The following TEAD1 variants were observed in gnomAD, a reference collection of about 807,000 sequenced individuals.
TEAD1 encodes the protein transcriptional enhancer factor TEF-1.
Under a neutral mutation model 54.9 loss-of-function variants are expected in TEAD1, and 9 were observed. That is an observed-to-expected ratio of 0.16 (90% CI 0.10 to 0.29). The LOEUF (loss-of-function observed/expected upper bound fraction) is 0.29, where lower values mean the gene tolerates loss of function less well. Among genes scored for constraint, TEAD1 ranks in the 10% least tolerant of loss-of-function variants. The pLI, the probability that TEAD1 is intolerant of heterozygous loss-of-function variation, is 1.00. For synonymous variants in TEAD1, 200 were observed against 187.8 expected (o/e 1.07, Z -0.53); for missense variants, 387 against 535.9 (o/e 0.72, Z 2.74).
chr11:12,924,483 A>G (rs1465261729), intron 10 of TEAD1, among the ~76,000 whole-genome samples: 1 of 152,190 alleles, frequency 6.6e-6, no homozygotes, highest in Non-Finnish European at 1.5e-5. Context: ...CAGATATTCT[A>G]ATTTTTAAGA....
chr11:12,697,648 A>G (rs1943613555), intron 2 of TEAD1, among the ~76,000 whole-genome samples: 1 of 152,194 alleles, frequency 6.6e-6, no homozygotes, highest in African/African-American at 2.4e-5. Context: ...TTTGGTTTGT[A>G]TATTTAGGAA....
At chr11:12,675,052 C>G (rs1021157141) in intron 1 of TEAD1, among the ~76,000 whole-genome samples, 30 of 146,660 alleles carry the variant, frequency 2.0e-4, no homozygotes, top group Admixed American at 8.8e-4. Context: ...CTTGCCAGGA[C>G]GCCAAGTTGG....
At chr11:12,705,652 A>G (rs1329428843) in intron 2 of TEAD1, among the ~76,000 whole-genome samples, 2 of 152,236 alleles carry the variant, frequency 1.3e-5, no homozygotes, top group South Asian at 2.1e-4. Context: ...TTTGTGTACA[A>G]GCTATTAATA....
intron 10 of TEAD1, among the ~76,000 whole-genome samples, chr11:12,924,696 T>C (rs1948877199): frequency 6.6e-6 from 1 of 152,208 alleles, no homozygotes; most frequent in African/African-American, 2.4e-5. Context: ...ACAAAATTGA[T>C]ACTTGTAGCA....
chr11:12,795,199 C>T (rs755093947), intron 3 of TEAD1, among the ~76,000 whole-genome samples: 2 of 152,136 alleles, frequency 1.3e-5, no homozygotes, highest in Non-Finnish European at 2.9e-5. Flanking sequence ...TTCCTTATCT[C>T]ACAGCTGTTA....
intron 2 of TEAD1, among the ~76,000 whole-genome samples, chr11:12,729,195 G>A (rs917093709): frequency 6.6e-6 from 1 of 152,234 alleles, no homozygotes; most frequent in Non-Finnish European, 1.5e-5. Flanking sequence ...AAGTGAATGA[G>A]TGAATGACTA....
At chr11:12,757,887 C>T (rs1022390056) in intron 2 of TEAD1, among the ~76,000 whole-genome samples, 1 of 152,074 alleles carries the variant, frequency 6.6e-6, no homozygotes. Flanking sequence ...TCAAGTGATT[C>T]GTCTGTCTCA....
At chr11:12,732,307 G>A (rs1944440503) in intron 2 of TEAD1, among the ~76,000 whole-genome samples, 1 of 152,144 alleles carries the variant, frequency 6.6e-6, no homozygotes, top group Non-Finnish European at 1.5e-5. Flanking sequence ...TTACTGGATT[G>A]TAAATTTTTT....
At chr11:12,836,903 T>C (rs896533870) in intron 3 of TEAD1, among the ~76,000 whole-genome samples, 3 of 152,208 alleles carry the variant, frequency 2.0e-5, no homozygotes, top group Admixed American at 6.5e-5. Context: ...AGATCACCTT[T>C]GGAAAGTGTT....
At chr11:12,840,228 C>T (rs1318317205) in intron 3 of TEAD1, among the ~76,000 whole-genome samples, 1 of 121,374 alleles carries the variant, frequency 8.2e-6, no homozygotes, top group Non-Finnish European at 1.6e-5. Context: ...GCCTGGGCGA[C>T]AGAGCGAGAC....
intron 2 of TEAD1, among the ~76,000 whole-genome samples, chr11:12,758,220 A>G (rs1007462706): frequency 1.3e-4 from 20 of 150,540 alleles, no homozygotes; most frequent in Non-Finnish European, 2.5e-4. Flanking sequence ...CCAACTCACT[A>G]AGTTTTTGTT....
chr11:12,765,035 G>C (rs1245783485), intron 3 of TEAD1, among the ~76,000 whole-genome samples: 1 of 151,906 alleles, frequency 6.6e-6, no homozygotes, highest in Non-Finnish European at 1.5e-5. Context: ...GTTTGCAGTT[G>C]AATGGTCAGA....
intron 10 of TEAD1, among the ~76,000 whole-genome samples, chr11:12,915,871 T>C (rs1427806819): frequency 5.3e-5 from 8 of 152,066 alleles, no homozygotes. Context: ...CATGAATAAA[T>C]GGGCTTACTG....
intron 10 of TEAD1, among the ~76,000 whole-genome samples, chr11:12,902,908 A>G (rs527726322): frequency 1.4e-4 from 21 of 152,068 alleles, no homozygotes; most frequent in African/African-American, 4.8e-4. Context: ...CCATGAGACA[A>G]TAGCTCCACT....
chr11:12,674,629 C>T lies in TEAD1; in HGVS notation c.-413C>T, dbSNP rs983033223. 26 of 151,408 alleles carry T rather than the reference C, an allele frequency of 1.7e-4. No homozygotes were observed. The highest frequency in any genetic ancestry group is 3.1e-4 in the Non-Finnish European group (21 of 68,010). 9.4% of individuals were successfully genotyped at this position (151,408 alleles called of 1,614,324 possible). A position where few individuals can be genotyped will look rare whatever the true frequency, so the allele number is the denominator to read the frequency against. On this transcript the variant is annotated 5_prime_UTR_variant, in exon 1 of 13. Transcript: ENST00000527636. ...CACAGGCCATGCAGTGACGCCCCCC[C>T]ACCCCTCCACCTTTGCCCGGAGCGC...
chr11:12,798,824 G>A (rs1945990814), intron 3 of TEAD1, among the ~76,000 whole-genome samples: 1 of 152,198 alleles, frequency 6.6e-6, no homozygotes, highest in South Asian at 2.1e-4. Context: ...GATTGATGTT[G>A]GATGCCTTTA....
chr11:12,718,453 C>T (rs1944111001), intron 2 of TEAD1, among the ~76,000 whole-genome samples: 2 of 152,246 alleles, frequency 1.3e-5, no homozygotes, highest in East Asian at 3.8e-4. Context: ...TTGGCATCAT[C>T]TTCCTCATTA....
chr11:12,736,168 C>T (rs375913653), intron 2 of TEAD1, among the ~76,000 whole-genome samples: 1 of 152,148 alleles, frequency 6.6e-6, no homozygotes, highest in Admixed American at 6.5e-5. Flanking sequence ...GTGAATCTGC[C>T]CATAATGTCC....
intron 2 of TEAD1, among the ~76,000 whole-genome samples, chr11:12,748,287 C>T (rs775650611): frequency 2.0e-5 from 3 of 152,196 alleles, no homozygotes; most frequent in African/African-American, 4.8e-5. Flanking sequence ...TTAGAAATAC[C>T]TACCAAGGAC....
Sources: allele counts gnomAD v4.1 joint callset (sites outside exome capture counted in the v4.1 genomes callset), GRCh38; gene constraint gnomAD v4.1.1; transcripts MANE v1.5; gene names NCBI Gene and HGNC (gene_info 2026-07-23, HGNC 2026-07-21).